Variants in EIF4ENIF1 observed in about 807,000 individuals in gnomAD.
EIF4ENIF1 encodes eukaryotic translation initiation factor 4E transporter.
EIF4ENIF1 carries 23 observed loss-of-function variants against 110.5 expected under a neutral mutation model. The ratio of observed to expected loss-of-function variants is 0.21; its 90% CI spans 0.15 to 0.29. EIF4ENIF1 has a LOEUF of 0.29. Ranked by LOEUF, EIF4ENIF1 falls within the 10% of genes least tolerant of loss-of-function variation. The pLI is 1.00. For synonymous variants in EIF4ENIF1, 440 were observed against 437.0 expected, an observed-to-expected ratio of 1.01 and a Z score of -0.09; for missense variants, 1,031 against 1,221.1, an observed-to-expected ratio of 0.84 and a Z score of 2.32.
At position 31,449,456 on chromosome 22, in the gene EIF4ENIF1, T is replaced by G. The variant is rs376624322; in HGVS notation, c.1660A>C (p.Thr554Pro). 7.7e-4 allele frequency: 1,249 copies of G among 1,614,158 alleles called. 12 individuals are homozygous for G. The South Asian group carries it at 0.013, about 16-fold the overall frequency. Residue 554 changes from threonine to proline, a missense_variant, in exon 12 of 19, where the codon ACA (threonine) becomes CCA (proline). Coordinates refer to ENST00000330125, the MANE Select transcript of EIF4ENIF1 (RefSeq NM_019843.4). ...GCTCTTTGGCCCAGTAAAGATGTTG[T>G]AGGCTCCAAGCTCCCCATAAGGCCA... Reference protein sequence around the residue: ...LSGLMGSLEPTTSLLGQRAPS... With the variant: ...LSGLMGSLEPPTSLLGQRAPS...
chr22:31,457,448 A>T (rs544859333), intron 7 of EIF4ENIF1, among the ~76,000 whole-genome samples: 36 of 152,338 alleles, frequency 2.4e-4, no homozygotes, highest in African/African-American at 7.5e-4. Flanking sequence ...TAGAGCAAAC[A>T]TCTATCCAAA....
At chr22:31,453,519 C>A in intron 10 of EIF4ENIF1, 1 of 217,008 alleles carries the variant, frequency 4.6e-6, no homozygotes, top group South Asian at 5.8e-5. Flanking sequence ...AGATTACAGG[C>A]GCATGCCCCC....
At position 31,448,172 on chromosome 22, in the gene EIF4ENIF1, A is replaced by C. The variant is rs755925351; in HGVS notation, c.1829T>G (p.Met610Arg). ...CCTGACCTGGGCTGTGATGGGGCTC[A>C]TGGGTTTGCGCATGCCTTGGAATGG... is the stretch of plus-strand genomic sequence containing the variant. ...GDPFQGMRKP[M>R]SPITAQMSQL... is the part of the protein sequence containing the mutation. The change falls in exon 13 of 19, where the codon ATG becomes AGG. Residue 610 changes from methionine to arginine, a missense_variant. Met to Arg is a moderately conservative substitution (Grantham distance 91). Coordinates refer to ENST00000330125, the MANE Select transcript of EIF4ENIF1 (RefSeq NM_019843.4). 3 of 1,614,184 alleles carry C rather than the reference A, an allele frequency of 1.9e-6. No homozygotes were observed. The highest frequency in any genetic ancestry group is 1.1e-5 in the South Asian group (1 of 91,090).
chr22:31,471,813 A>C, intron 3 of EIF4ENIF1, 31 bp downstream of exon 3: 2 of 1,548,600 alleles, frequency 1.3e-6, no homozygotes, highest in Non-Finnish European at 8.7e-7. Flanking sequence ...TATTGACTAG[A>C]AGTAGTTAAG....
At chr22:31,458,306 TCATATTATC>T (rs1035379650) in intron 7 of EIF4ENIF1, among the ~76,000 whole-genome samples, 160 bp downstream of exon 7, 42 of 151,476 alleles carry the variant, frequency 2.8e-4, no homozygotes, top group African/African-American at 9.7e-4. Flanking sequence ...TACAAAAATC[TCATATTATC>T]CATTAAGCCT....
chr22:31,456,265 C>A (rs1449506549), intron 7 of EIF4ENIF1, among the ~76,000 whole-genome samples: 2 of 150,408 alleles, frequency 1.3e-5, no homozygotes, highest in Non-Finnish European at 3.0e-5. Context: ...GCTCTGTCAC[C>A]CAGGCTGGAG....
intron 4 of EIF4ENIF1, among the ~76,000 whole-genome samples, chr22:31,467,111 C>T (rs5753632): frequency 0.28 from 42,770 of 152,024 alleles, 6,687 homozygotes; most frequent in East Asian, 0.54. Context: ...TATATGGATA[C>T]ACCGAAGTTT....
chr22:31,477,209 A>T (rs1296122276), intron 2 of EIF4ENIF1, among the ~76,000 whole-genome samples: 1 of 151,846 alleles, frequency 6.6e-6, no homozygotes, highest in Non-Finnish European at 1.5e-5. Context: ...ACTAAAAATT[A>T]AAAAATTAGC....
intron 2 of EIF4ENIF1, among the ~76,000 whole-genome samples, chr22:31,482,164 T>C (rs1213307158): frequency 8.2e-6 from 1 of 122,356 alleles, no homozygotes; most frequent in Non-Finnish European, 1.8e-5. Context: ...AGAGCCTGTC[T>C]CAAAAAAAAA....
chr22:31,491,274 G>A (rs1223910181), upstream of EIF4ENIF1, among the ~76,000 whole-genome samples: 2 of 152,172 alleles, frequency 1.3e-5, no homozygotes, highest in Non-Finnish European at 2.9e-5. Flanking sequence ...ACACGTTGCA[G>A]GTGATAATAC....
chr22:31,449,147 A>C (rs899919656), intron 12 of EIF4ENIF1, among the ~76,000 whole-genome samples: 3 of 152,056 alleles, frequency 2.0e-5, no homozygotes, highest in Admixed American at 2.0e-4. Context: ...CGTAGCTGGG[A>C]TTACAGGCAT....
At chr22:31,469,617 C>CT (rs2051296302) in intron 3 of EIF4ENIF1, among the ~76,000 whole-genome samples, 1 of 152,292 alleles carries the variant, frequency 6.6e-6, no homozygotes, top group East Asian at 1.9e-4. Context: ...GAGAAGCTCT[C>CT]TCCTCTTTCT....
chr22:31,484,624 G>A (rs1321093681), intron 2 of EIF4ENIF1, among the ~76,000 whole-genome samples: 2 of 152,008 alleles, frequency 1.3e-5, no homozygotes, highest in Admixed American at 6.6e-5. Context: ...ACCTGAGGTC[G>A]GGAGTTTGAC....
In EIF4ENIF1 at chr22:31,447,584, G is replaced by A. The variant is rs2050514593; in HGVS notation, c.1849-19C>T. On this transcript the variant is annotated intron_variant, in intron 13 of 18. Transcript: ENST00000330125. ...GGCTCATCTGCTGAAAAGGAGAGGGGAGGGTCAGGAGAAGAGTAAGGACAC... is the reference window on the plus strand; with the variant it reads ...GGCTCATCTGCTGAAAAGGAGAGGGAAGGGTCAGGAGAAGAGTAAGGACAC... 1.3e-6 allele frequency: 2 copies of A among 1,591,594 alleles called. No individual in the cohort carries two copies. The highest frequency in any genetic ancestry group is 2.3e-5 in the East Asian group (1 of 44,198).
At chr22:31,464,224 T>C (rs1477127441) in intron 4 of EIF4ENIF1, 4 of 404,968 alleles carry the variant, frequency 9.9e-6, no homozygotes, top group Non-Finnish European at 1.7e-5. Context: ...GCAGTGCCTT[T>C]ATTTTGACCA....
intron 3 of EIF4ENIF1, among the ~76,000 whole-genome samples, chr22:31,470,873 G>C (rs547686279): frequency 1.3e-5 from 2 of 151,552 alleles, no homozygotes; most frequent in South Asian, 2.1e-4. Context: ...TTAGCTGTGC[G>C]TGGTAGTGGG....
At chr22:31,476,663 G>A (rs920509962) in intron 2 of EIF4ENIF1, among the ~76,000 whole-genome samples, 33 of 152,264 alleles carry the variant, frequency 2.2e-4, no homozygotes, top group East Asian at 1.9e-3. Context: ...GGGAGGCCAA[G>A]GCGGGTGGAT....
chr22:31,468,557 G>A (rs539506172), intron 3 of EIF4ENIF1, among the ~76,000 whole-genome samples: 4 of 152,130 alleles, frequency 2.6e-5, no homozygotes, highest in Non-Finnish European at 5.9e-5. Context: ...ACCACATCTT[G>A]CTAATTTTTG....
At chr22:31,488,117 T>C (rs1004419261) in intron 2 of EIF4ENIF1, among the ~76,000 whole-genome samples, 1 of 152,208 alleles carries the variant, frequency 6.6e-6, no homozygotes, top group Admixed American at 6.5e-5. Context: ...AGGGGAAATA[T>C]GACTGAAGCC....
Sources: gnomAD v4.1 joint callset for allele counts (sites outside exome capture counted in the v4.1 genomes callset) on GRCh38, gnomAD v4.1.1 for gene constraint, MANE v1.5 for transcripts, NCBI Gene and HGNC (gene_info 2026-07-23, HGNC 2026-07-21) for gene names.